PRH1: variants seen among roughly 807,000 people sequenced by gnomAD.
PRH1 encodes proline rich protein HaeIII subfamily 1, also known as salivary acidic proline-rich phosphoprotein 1/2.
A neutral mutation model predicts 7.9 loss-of-function variants in PRH1; 7 were observed. The observed-to-expected ratio is 0.89, with a 90% CI of 0.50 to 1.67. PRH1 has a LOEUF of 1.67. Ranked by LOEUF, PRH1 falls within the 40% of genes most tolerant of loss-of-function variation. The pLI, the probability that PRH1 is intolerant of heterozygous loss-of-function variation, is 0.00. For missense variants in PRH1, 109 were observed against 223.6 expected (o/e 0.49, Z 3.27); for synonymous variants, 45 against 80.8 (o/e 0.56, Z 2.38).
chr12:11,019,388 C>T (rs1172424660), intron 1 of PRH1, among the ~76,000 whole-genome samples: 3 of 152,302 alleles, frequency 2.0e-5, no homozygotes, highest in Non-Finnish European at 4.4e-5. Flanking sequence ...CCCCTCATTG[C>T]TGCCCTGGAC....
At chr12:11,056,595 A>G (rs1426186694) in intron 1 of PRH1, among the ~76,000 whole-genome samples, 1 of 152,162 alleles carries the variant, frequency 6.6e-6, no homozygotes, top group East Asian at 1.9e-4. Context: ...AGGCAGGTGG[A>G]TCACCTGAGG....
intron 1 of PRH1, chr12:11,030,609 G>T (rs756990063): frequency 6.5e-7 from 1 of 1,528,586 alleles, no homozygotes; most frequent in East Asian, 2.4e-5. Context: ...ATTATGGACA[G>T]AAAGTAAACG....
chr12:10,924,267 G>C (rs926543857), intron 2 of PRH1, among the ~76,000 whole-genome samples: 2 of 152,148 alleles, frequency 1.3e-5, no homozygotes, highest in Non-Finnish European at 2.9e-5. Context: ...GATTACAGGC[G>C]TGAGACACGG....
chr12:11,036,195 T>C (rs182177836), intron 1 of PRH1, among the ~76,000 whole-genome samples: 1 of 151,590 alleles, frequency 6.6e-6, no homozygotes, highest in Admixed American at 6.5e-5. Context: ...GCCCGCCCTA[T>C]GCTGTTTTAA....
intron 2 of PRH1, among the ~76,000 whole-genome samples, chr12:10,947,297 T>C (rs975921463): frequency 1.2e-4 from 19 of 152,218 alleles, no homozygotes; most frequent in Admixed American, 1.1e-3. Flanking sequence ...GCCTCATGAA[T>C]CCAGACATTC....
chr12:10,997,447 G>T (rs12226920), intron 1 of PRH1: 574,114 of 1,612,850 alleles, frequency 0.36, 113,697 homozygotes, highest in East Asian at 0.75. Flanking sequence ...TCATCACAAG[G>T]TGACAAACCA....
At chr12:11,138,940 T>C (rs1426131150) in intron 1 of PRH1, among the ~76,000 whole-genome samples, 1 of 152,176 alleles carries the variant, frequency 6.6e-6, no homozygotes, top group Non-Finnish European at 1.5e-5. Flanking sequence ...CTCTGGAGGC[T>C]GAACTGAGAG....
chr12:10,998,467 C>G (rs754118086), intron 1 of PRH1, among the ~76,000 whole-genome samples: 11 of 152,068 alleles, frequency 7.2e-5, no homozygotes, highest in Non-Finnish European at 1.5e-4. Context: ...AGCCAATACT[C>G]CTTATAATTT....
chr12:11,018,535 A>C (rs1424425933), intron 1 of PRH1, among the ~76,000 whole-genome samples: 1 of 119,774 alleles, frequency 8.3e-6, no homozygotes, highest in East Asian at 2.8e-4. Flanking sequence ...GTAACAGAAA[A>C]GCTTAGTTGC....
chr12:10,940,111 T>A (rs973069541), intron 2 of PRH1, among the ~76,000 whole-genome samples: 2 of 152,082 alleles, frequency 1.3e-5, no homozygotes, highest in Non-Finnish European at 2.9e-5. Context: ...AGTAGCAGAG[T>A]TTTCTAATAA....
intron 1 of PRH1, among the ~76,000 whole-genome samples, chr12:11,020,363 GATAT>G (rs71051554): frequency 1.1e-5 from 1 of 87,584 alleles, no homozygotes; most frequent in African/African-American, 3.9e-5. Flanking sequence ...TATGATAAGC[GATAT>G]ATATATATAT....
intron 2 of PRH1, among the ~76,000 whole-genome samples, chr12:10,921,249 A>G (rs1273917352): frequency 6.6e-6 from 1 of 152,070 alleles, no homozygotes; most frequent in African/African-American, 2.4e-5. Flanking sequence ...GAGAAGGTAA[A>G]AATTATGACA....
intron 1 of PRH1, among the ~76,000 whole-genome samples, chr12:11,160,953 TC>T (rs1319391224): frequency 6.6e-6 from 1 of 152,194 alleles, no homozygotes; most frequent in Non-Finnish European, 1.5e-5. Flanking sequence ...AACTTCCATG[TC>T]CTAAATTTCA....
At chr12:10,965,142 A>C in intron 2 of PRH1, 1 of 1,438,068 alleles carries the variant, frequency 7.0e-7, no homozygotes, top group Non-Finnish European at 9.5e-7. Flanking sequence ...CCTGGATTCA[A>C]AACAGTTGCA....
chr12:10,995,454 T>C (rs985781775), intron 1 of PRH1, among the ~76,000 whole-genome samples: 2 of 152,168 alleles, frequency 1.3e-5, no homozygotes, highest in African/African-American at 4.8e-5. Flanking sequence ...AGGTTATACA[T>C]TTTCTTCTTG....
At chr12:11,048,716 T>C (rs1160890497), upstream of PRH1, 5 of 401,242 alleles carry the variant, frequency 1.2e-5, no homozygotes, top group African/African-American at 8.8e-5. Flanking sequence ...TTTGCTGGCA[T>C]GGTTACAGTC....
chr12:11,091,459 G>C, intron 1 of PRH1: 1 of 1,268,592 alleles, frequency 7.9e-7, no homozygotes, highest in East Asian at 2.3e-5. Flanking sequence ...AGACAGGTTT[G>C]TTTTCCAGAC....
intron 1 of PRH1, among the ~76,000 whole-genome samples, chr12:11,023,615 T>TAC (rs1481955251): frequency 7.9e-3 from 789 of 100,442 alleles, no homozygotes; most frequent in South Asian, 0.015. Context: ...TAGTAGAATT[T>TAC]ACAGAGATTT....
At chr12:10,900,304 G>C (rs553900139) in intron 2 of PRH1, among the ~76,000 whole-genome samples, 7 of 152,348 alleles carry the variant, frequency 4.6e-5, no homozygotes, top group African/African-American at 1.7e-4. Flanking sequence ...GAAAGGCTTA[G>C]AGACATTGTA....
Sources: allele counts gnomAD v4.1 joint callset (sites outside exome capture counted in the v4.1 genomes callset), GRCh38; gene constraint gnomAD v4.1.1; transcripts MANE v1.5; gene names NCBI Gene and HGNC (gene_info 2026-07-23, HGNC 2026-07-21).